Variants in ESRRB observed in about 807,000 individuals in gnomAD.
The protein encoded by ESRRB is steroid hormone receptor ERR2.
In ESRRB, 16 loss-of-function variants were observed where a neutral mutation model predicts 46.0. The observed-to-expected ratio is 0.35, with a 90% CI of 0.24 to 0.53. The LOEUF is 0.53. Among genes scored for constraint, ESRRB ranks in the 20% least tolerant of loss-of-function variants. ESRRB has a pLI of 0.93. For synonymous variants in ESRRB, 246 were observed against 259.6 expected, an observed-to-expected ratio of 0.95 and a Z score of 0.50; for missense variants, 488 against 607.4, an observed-to-expected ratio of 0.80 and a Z score of 2.07.
At chr14:76,413,935 G>A (rs539271366) in intron 1 of ESRRB, among the ~76,000 whole-genome samples, 1 of 32,850 alleles carries the variant, frequency 3.0e-5, no homozygotes, top group Non-Finnish European at 5.4e-5. Context: ...TGCACCGTCC[G>A]CCGCCCCTGC....
At chr14:76,447,888 A>G (rs2139954365) in intron 2 of ESRRB, among the ~76,000 whole-genome samples, 1 of 152,204 alleles carries the variant, frequency 6.6e-6, no homozygotes. Context: ...GGCCGTTCCC[A>G]GCCTGAACAC....
At chr14:76,434,575 G>A (rs796330266) in intron 1 of ESRRB, among the ~76,000 whole-genome samples, 8 of 151,132 alleles carry the variant, frequency 5.3e-5, no homozygotes, top group African/African-American at 7.3e-5. Flanking sequence ...CAAGAAAATC[G>A]CTTCAAACCA....
intron 1 of ESRRB, among the ~76,000 whole-genome samples, chr14:76,324,963 C>CTTTTTCTTTTT (rs1320537747): frequency 4.9e-5 from 5 of 102,210 alleles, no homozygotes; most frequent in Admixed American, 1.2e-4. Flanking sequence ...TTTTCTTTTT[C>CTTTTTCTTTTT]TTTTTTTTTT....
intron 2 of ESRRB, among the ~76,000 whole-genome samples, chr14:76,452,199 C>T (rs1463348941): frequency 1.4e-4 from 21 of 151,964 alleles, no homozygotes; most frequent in Admixed American, 1.2e-3. Flanking sequence ...CTTGGCCTCC[C>T]GAAGTGCTGG....
intron 1 of ESRRB, among the ~76,000 whole-genome samples, chr14:76,354,380 C>T (rs898058998): frequency 3.3e-5 from 5 of 152,206 alleles, no homozygotes; most frequent in Admixed American, 6.5e-5. Context: ...ATGCCAGGGA[C>T]ATGGCAAGTG....
chr14:76,397,782 G>T (rs1280588146), intron 1 of ESRRB, among the ~76,000 whole-genome samples: 2 of 151,754 alleles, frequency 1.3e-5, no homozygotes, highest in East Asian at 3.9e-4. Flanking sequence ...TAATAATTTG[G>T]GGCAAAAAGG....
chr14:76,487,419 G>A (rs769381130), intron 5 of ESRRB, among the ~76,000 whole-genome samples: 3 of 151,870 alleles, frequency 2.0e-5, no homozygotes, highest in Non-Finnish European at 4.4e-5. Context: ...GTCTTTCCAC[G>A]TCCACACAGA....
chr14:76,422,102 A>G (rs924769048), intron 1 of ESRRB, among the ~76,000 whole-genome samples: 3 of 151,886 alleles, frequency 2.0e-5, no homozygotes, highest in Admixed American at 1.3e-4. Context: ...CCCTCCCTCA[A>G]AGGCCTGGAT....
At chr14:76,346,843 G>A (rs760353943) in intron 1 of ESRRB, among the ~76,000 whole-genome samples, 2 of 152,148 alleles carry the variant, frequency 1.3e-5, no homozygotes, top group Non-Finnish European at 2.9e-5. Context: ...ATTTTGCCAC[G>A]CCGTAGTCTG....
At chr14:76,352,325 A>G (rs1460084287) in intron 1 of ESRRB, among the ~76,000 whole-genome samples, 4 of 152,212 alleles carry the variant, frequency 2.6e-5, no homozygotes, top group African/African-American at 7.2e-5. Flanking sequence ...TGTTAATTAA[A>G]TCAGAACCTG....
intron 1 of ESRRB, among the ~76,000 whole-genome samples, chr14:76,394,633 G>A (rs536419387): frequency 6.6e-6 from 1 of 152,364 alleles, no homozygotes; most frequent in South Asian, 2.1e-4. Context: ...GGGTGCAGAA[G>A]GAAAGCCAGG....
intron 1 of ESRRB, among the ~76,000 whole-genome samples, chr14:76,333,389 C>CAT (rs1218038178): frequency 1.1e-5 from 1 of 89,358 alleles, no homozygotes; most frequent in Non-Finnish European, 2.1e-5. Flanking sequence ...ATATTTATAT[C>CAT]ATATATATAT....
chr14:76,497,800 G>A (rs1031989684), intron 6 of ESRRB, among the ~76,000 whole-genome samples: 4 of 152,156 alleles, frequency 2.6e-5, no homozygotes, highest in Non-Finnish European at 5.9e-5. Context: ...GACAAGTTCT[G>A]TTATAAACCC....
intron 1 of ESRRB, among the ~76,000 whole-genome samples, chr14:76,357,962 G>C (rs1320322654): frequency 1.3e-5 from 2 of 152,036 alleles, no homozygotes; most frequent in African/African-American, 4.8e-5. Context: ...GAGGTGACTA[G>C]GATAGTAACT....
At chr14:76,490,814 C>A (rs546648391) in intron 5 of ESRRB, among the ~76,000 whole-genome samples, 2 of 152,184 alleles carry the variant, frequency 1.3e-5, no homozygotes, top group African/African-American at 4.8e-5. Flanking sequence ...GGGGCTCCGA[C>A]CCTGGGAGAG....
intron 3 of ESRRB, among the ~76,000 whole-genome samples, chr14:76,470,597 C>T (rs1204879316): frequency 2.6e-5 from 4 of 152,200 alleles, no homozygotes; most frequent in African/African-American, 4.8e-5. Context: ...TTATCTGGGA[C>T]GCTGTGTACC....
chr14:76,346,422 T>A (rs1884250704), intron 1 of ESRRB, among the ~76,000 whole-genome samples: 1 of 152,188 alleles, frequency 6.6e-6, no homozygotes, highest in African/African-American at 2.4e-5. Context: ...GGGGCACCCA[T>A]CCCTGGCTCA....
intron 1 of ESRRB, among the ~76,000 whole-genome samples, chr14:76,382,600 C>T (rs1271185624): frequency 6.6e-6 from 1 of 152,204 alleles, no homozygotes; most frequent in Admixed American, 6.5e-5. Flanking sequence ...AAAGAGTCAA[C>T]TCTTTTCTTA....
intron 6 of ESRRB, among the ~76,000 whole-genome samples, chr14:76,493,614 C>T (rs1264107026): frequency 2.0e-5 from 3 of 152,144 alleles, no homozygotes; most frequent in Admixed American, 1.3e-4. Flanking sequence ...GAACTGGCTC[C>T]CAGATGCAGA....
Sources: allele counts gnomAD v4.1 joint callset (sites outside exome capture counted in the v4.1 genomes callset), GRCh38; gene constraint gnomAD v4.1.1; transcripts MANE v1.5; gene names NCBI Gene and HGNC (gene_info 2026-07-23, HGNC 2026-07-21).